The following DUXA variants were observed in gnomAD, a reference collection of about 807,000 sequenced individuals.
DUXA encodes the protein double homeobox protein A.
A neutral mutation model predicts 27.5 loss-of-function variants in DUXA; 25 were observed. The ratio of observed to expected loss-of-function variants is 0.91; its 90% confidence interval spans 0.66 to 1.27. DUXA has a LOEUF of 1.27. Ranked by LOEUF, DUXA falls within the 50% of genes most tolerant of loss-of-function variation. DUXA has a pLI of 0.00. For missense variants in DUXA, 247 were observed against 242.9 expected (o/e 1.02, Z -0.11); for synonymous variants, 90 against 80.5 (o/e 1.12, Z -0.63).
At chr19:57,161,744 C>A (rs1412635941) in intron 1 of DUXA, among the ~76,000 whole-genome samples, 6 of 151,956 alleles carry the variant, frequency 3.9e-5, no homozygotes, top group Non-Finnish European at 7.4e-5. Context: ...TAGAAACAAT[C>A]TAAGTCAAGA....
At chr19:57,161,722 G>C (rs1468182172) in intron 1 of DUXA, among the ~76,000 whole-genome samples, 1 of 152,046 alleles carries the variant, frequency 6.6e-6, no homozygotes, top group East Asian at 1.9e-4. Flanking sequence ...AATGTGTTCT[G>C]TTCATATGGA....
intron 3 of DUXA, 24 bp from the exon 4 acceptor site, chr19:57,158,497 A>T (rs1339144591): frequency 6.2e-7 from 1 of 1,607,266 alleles, no homozygotes; most frequent in African/African-American, 1.3e-5. Flanking sequence ...GGAAAGATGG[A>T]GGGGGGCGGT....
In DUXA at chr19:57,159,173, A is replaced by T; in HGVS notation, c.286T>A (p.Phe96Ile). The T allele has an allele frequency of 1.2e-6, 2 of 1,612,208 alleles. No individual in the cohort carries two copies. The highest frequency in any genetic ancestry group is 2.2e-5 in the South Asian group (2 of 90,860). Residue 96 changes from phenylalanine to isoleucine, a missense_variant, in exon 3 of 6, where the codon TTT becomes ATT. Physicochemically the swap from Phe to Ile is conservative, Grantham distance 21. Transcript: ENST00000554048. ...SQGQDQPGVE[F>I]QSREARRCRT... ...AACTAAGAGGGTTATTTACTTTGAA[A>T]CTCCACACCAGGTTGATCTTGCCCC...
chr19:57,160,531 G>T, intron 2 of DUXA, 112 bp downstream of exon 2: 1 of 1,286,394 alleles, frequency 7.8e-7, no homozygotes, highest in Non-Finnish European at 1.1e-6. Flanking sequence ...AGGGTCAGTT[G>T]AGATACTCCC....
rs1200229197 is a variant in DUXA at position 57,158,263 on chromosome 19, T to C, written c.438+65A>G. 32 of 1,578,514 alleles carry C rather than the reference T, an allele frequency of 2.0e-5. No individual in the cohort carries two copies. In the East Asian group the frequency reaches 5.8e-4, roughly 29 times the overall value. ...ATGATGAGGAACTGCCTGAGGCCCA[T>C]GTGGCTTCCCTTCCTGTATACCTAG... On this transcript the variant is annotated intron_variant, in intron 4 of 5. Coordinates refer to ENST00000554048, the MANE Select transcript of DUXA (RefSeq NM_001012729.2).
intron 1 of DUXA, among the ~76,000 whole-genome samples, chr19:57,165,309 GAAAAAAA>G (rs71186231): frequency 2.6e-5 from 3 of 116,414 alleles, no homozygotes; most frequent in East Asian, 2.5e-4. Context: ...TCTGGAGTAG[GAAAAAAA>G]AAAAAAAAAT....
chr19:57,165,324 A>ATATATATATAT (rs1555759590), intron 1 of DUXA, among the ~76,000 whole-genome samples: 20 of 89,262 alleles, frequency 2.2e-4, no homozygotes, highest in Middle Eastern at 6.0e-3. Flanking sequence ...AAAAAAAAAA[A>ATATATATATAT]ATATATATAT....
chr19:57,159,180 A>G lies in DUXA; in HGVS notation c.279T>C (p.Gly93=), dbSNP rs775961446. 1.2e-6 allele frequency: 2 copies of G among 1,613,862 alleles called. No homozygotes were observed. Among genetic ancestry groups the G allele is most frequent in the South Asian group, 2.2e-5 (2 of 91,056 alleles). Residue 93 remains glycine (G), a synonymous_variant, in exon 3 of 6, where the codon GGT becomes GGC. Coordinates refer to ENST00000554048, the MANE Select transcript of DUXA (RefSeq NM_001012729.2). ...AGGGTTATTTACTTTGAAACTCCAC[A>G]CCAGGTTGATCTTGCCCCTGGCTCT... ...SSQSQGQDQP[G]VEFQSREARR...
chr19:57,166,034 T>C (rs1241492409), intron 1 of DUXA, among the ~76,000 whole-genome samples: 2 of 151,778 alleles, frequency 1.3e-5, no homozygotes, highest in Non-Finnish European at 2.9e-5. Flanking sequence ...ACTGAGAAAG[T>C]ATAACATGAA....
Position 57,158,326 on chromosome 19 carries a change from A to G in DUXA, c.438+2T>C, listed in dbSNP as rs771002422. ...TGGGACAACCACCTTCTTATCACTC[A>G]CTTGGACTCTTGACTCTGGAACACC... On this transcript the variant is annotated splice_donor_variant, in intron 4 of 5. Transcript: ENST00000554048. LOFTEE classifies it high-confidence loss of function. 6.2e-7 allele frequency: 1 copy of G among 1,611,800 alleles called. No homozygotes were observed. The highest frequency in any genetic ancestry group is 8.5e-7 in the Non-Finnish European group (1 of 1,179,778).
chr19:57,166,350 G>A (rs2122703106), intron 1 of DUXA, among the ~76,000 whole-genome samples: 1 of 152,222 alleles, frequency 6.6e-6, no homozygotes, highest in East Asian at 1.9e-4. Context: ...TCGCTCTCTG[G>A]CCCAGGCTGA....
intron 1 of DUXA, among the ~76,000 whole-genome samples, chr19:57,165,325 ATAT>A (rs201975067): frequency 0.073 from 5,370 of 73,452 alleles, 140 homozygotes; most frequent in Middle Eastern, 0.14. Context: ...AAAAAAAAAA[ATAT>A]ATATATATAT....
At chr19:57,159,718 A>AC (rs1283456190) in intron 2 of DUXA, among the ~76,000 whole-genome samples, 1 of 151,382 alleles carries the variant, frequency 6.6e-6, no homozygotes, top group East Asian at 1.9e-4. Flanking sequence ...CAGCCCATCT[A>AC]CCAACTCTTT....
At chr19:57,155,875 G>A (rs1391183080) in intron 4 of DUXA, among the ~76,000 whole-genome samples, 1 of 151,982 alleles carries the variant, frequency 6.6e-6, no homozygotes, top group South Asian at 2.1e-4. Flanking sequence ...CACCATATTG[G>A]CCAGGCTGGT....
chr19:57,162,898 G>C (rs925109664), intron 1 of DUXA, among the ~76,000 whole-genome samples: 16 of 151,960 alleles, frequency 1.1e-4, no homozygotes, highest in African/African-American at 3.9e-4. Flanking sequence ...TTTCACTGAA[G>C]GGGGAAGTTT....
At chr19:57,167,069 G>A (rs968517011) in intron 1 of DUXA, among the ~76,000 whole-genome samples, 1 of 152,084 alleles carries the variant, frequency 6.6e-6, no homozygotes, top group African/African-American at 2.4e-5. Flanking sequence ...TGATTCCAAG[G>A]ATATTTTGAG....
intron 1 of DUXA, among the ~76,000 whole-genome samples, chr19:57,162,852 G>A (rs2087031537): frequency 6.6e-6 from 1 of 152,164 alleles, no homozygotes; most frequent in African/African-American, 2.4e-5. Context: ...GGGATTACGG[G>A]TGTGAGCCAC....
intron 5 of DUXA, among the ~76,000 whole-genome samples, chr19:57,154,938 C>T (rs1599929181): frequency 1.3e-5 from 2 of 152,364 alleles, no homozygotes; most frequent in East Asian, 3.9e-4. Context: ...GCAGACCACA[C>T]CTGAGGATTC....
intron 1 of DUXA, among the ~76,000 whole-genome samples, chr19:57,165,062 A>G (rs772412849): frequency 1.7e-4 from 26 of 152,000 alleles, no homozygotes; most frequent in Non-Finnish European, 3.1e-4. Context: ...TGTCAACCTT[A>G]CAGTTCCTGG....
Sources: allele counts gnomAD v4.1 joint callset (sites outside exome capture counted in the v4.1 genomes callset), GRCh38; gene constraint gnomAD v4.1.1; transcripts MANE v1.5; gene names NCBI Gene and HGNC (gene_info 2026-07-23, HGNC 2026-07-21).